Variants in FCGR2A observed in about 807,000 individuals in gnomAD.
The protein encoded by FCGR2A is Fc gamma receptor IIa.
In FCGR2A, 18 loss-of-function variants were observed where a neutral mutation model predicts 29.3. That is an observed-to-expected ratio of 0.62 (90% CI 0.43 to 0.91). The LOEUF (loss-of-function observed/expected upper bound fraction) is 0.91, where lower values mean the gene tolerates loss of function less well. FCGR2A is among the 40% of genes least tolerant of loss of function. The probability of loss-of-function intolerance (pLI) is 0.00; values close to 1 mark genes in which losing one functional copy is unlikely to be tolerated. For synonymous variants in FCGR2A, 126 were observed against 144.8 expected (o/e 0.87, Z 0.93); for missense variants, 287 against 393.0 (o/e 0.73, Z 2.28).
intron 1 of FCGR2A, 120 bp from the exon 2 acceptor site, chr1:161,505,867 T>C: frequency 1.1e-6 from 1 of 943,302 alleles, no homozygotes; most frequent in Admixed American, 1.7e-5. Flanking sequence ...AAACAGGATC[T>C]TGAGATGGGT....
downstream of FCGR2A, chr1:161,523,185 G>A (rs1255453261): frequency 4.6e-5 from 7 of 152,124 alleles, no homozygotes; most frequent in Non-Finnish European, 8.8e-5. Context: ...CCTGTCATGC[G>A]TGAGAGAGGG....
chr1:161,515,408 C>T (rs1216006612), intron 6 of FCGR2A, among the ~76,000 whole-genome samples: 1 of 152,088 alleles, frequency 6.6e-6, no homozygotes, highest in African/African-American at 2.4e-5. Context: ...AAAGCAACCA[C>T]TAAGGCTAAA....
intron 6 of FCGR2A, among the ~76,000 whole-genome samples, chr1:161,516,058 T>C (rs441823): frequency 4.6e-5 from 7 of 152,164 alleles, no homozygotes; most frequent in African/African-American, 1.4e-4. Flanking sequence ...AGAATATTGG[T>C]ATTAATGAAA....
intron 5 of FCGR2A, among the ~76,000 whole-genome samples, chr1:161,512,485 T>C (rs574518362): frequency 2.0e-5 from 3 of 149,466 alleles, no homozygotes; most frequent in East Asian, 1.9e-4. Flanking sequence ...GTCTCCCTGA[T>C]GGGGTTCAGT....
At chr1:161,507,759 T>C (rs1216689237) in intron 3 of FCGR2A, among the ~76,000 whole-genome samples, 1 of 152,196 alleles carries the variant, frequency 6.6e-6, no homozygotes, top group Non-Finnish European at 1.5e-5. Flanking sequence ...ATAGTAATTC[T>C]GACTCTTCTT....
chr1:161,520,042 G>A (rs562727117), downstream of FCGR2A: 4 of 151,970 alleles, frequency 2.6e-5, no homozygotes, highest in African/African-American at 9.7e-5. Context: ...GCATCACTGT[G>A]CACAATTCTT....
chr1:161,515,370 CTT>C (rs1346436113), intron 6 of FCGR2A, among the ~76,000 whole-genome samples: 6 of 152,300 alleles, frequency 3.9e-5, no homozygotes, highest in African/African-American at 1.2e-4. Context: ...AAATTTAACT[CTT>C]GTTATTGCAC....
downstream of FCGR2A, chr1:161,523,926 GCTAAAGAC>G (rs1676571037): frequency 6.6e-6 from 1 of 152,250 alleles, no homozygotes; most frequent in Non-Finnish European, 1.5e-5. Context: ...GCTACTGTCA[GCTAAAGAC>G]CTGCAGTATT....
Position 161,506,371 on chromosome 1 carries a change from G to C in FCGR2A, c.144G>C (p.Pro48=), listed in dbSNP as rs553243113. Residue 48 remains proline, a synonymous_variant, in exon 3 of 7, where the codon CCG becomes CCC. Coordinates refer to ENST00000271450, the MANE Select transcript of FCGR2A (RefSeq NM_001136219.3). ...PPKAVLKLEP[P]WINVLQEDSV... is the part of the protein sequence containing the mutation. ...AGGCTGTGCTGAAACTTGAGCCCCCGTGGATCAACGTGCTCCAGGAGGACT... is the reference window on the plus strand; with the variant it reads ...AGGCTGTGCTGAAACTTGAGCCCCCCTGGATCAACGTGCTCCAGGAGGACT... The C allele has an allele frequency of 6.2e-7, 1 of 1,614,164 alleles. No individual in the cohort carries two copies. The highest frequency in any genetic ancestry group is 8.5e-7 in the Non-Finnish European group (1 of 1,180,038).
At chr1:161,514,267 C>A (rs1261300220) in intron 6 of FCGR2A, among the ~76,000 whole-genome samples, 1 of 150,646 alleles carries the variant, frequency 6.6e-6, no homozygotes, top group Non-Finnish European at 1.5e-5. Flanking sequence ...AGTAAGGTAC[C>A]TCACCCAAAA....
At chr1:161,508,369 A>G (rs568189713) in intron 3 of FCGR2A, among the ~76,000 whole-genome samples, 115 of 151,660 alleles carry the variant, frequency 7.6e-4, no homozygotes, top group African/African-American at 2.6e-3. Context: ...TGGATGGATC[A>G]CTTGAGGTCG....
At chr1:161,511,728 CT>C (rs1475149559) in intron 5 of FCGR2A, among the ~76,000 whole-genome samples, 1 of 152,232 alleles carries the variant, frequency 6.6e-6, no homozygotes, top group African/African-American at 2.4e-5. Flanking sequence ...TCAGGCCCCA[CT>C]GCCTAATCCT....
chr1:161,507,558 T>C (rs538216494), intron 3 of FCGR2A, among the ~76,000 whole-genome samples: 1 of 152,340 alleles, frequency 6.6e-6, no homozygotes, highest in South Asian at 2.1e-4. Context: ...GATTCTCCTG[T>C]TCAACACTGA....
intron 1 of FCGR2A, 101 bp downstream of exon 1, chr1:161,505,653 G>A: frequency 1.0e-6 from 1 of 969,086 alleles, no homozygotes; most frequent in Non-Finnish European, 1.7e-6. Context: ...CCTGGAAGCA[G>A]GGGATAGATT....
At chr1:161,523,047 T>G (rs369293576), downstream of FCGR2A, 2 of 152,300 alleles carry the variant, frequency 1.3e-5, no homozygotes, top group East Asian at 3.9e-4. Context: ...CAAGTAACGT[T>G]AAATAGAAGC....
At chr1:161,521,942 A>T (rs1659532), downstream of FCGR2A, among the ~76,000 whole-genome samples, 8 of 151,734 alleles carry the variant, frequency 5.3e-5, no homozygotes, top group East Asian at 3.9e-4. Flanking sequence ...TTTGCACCAC[A>T]TTAGAATGTC....
Position 161,505,997 on chromosome 1 carries a change from C to G in FCGR2A, c.96C>G (p.Asp32Glu), listed in dbSNP as rs1557827367. 6.2e-7 allele frequency: 1 copy of G among 1,613,984 alleles called. No individual in the cohort carries two copies. The change falls in exon 2 of 7, where the codon GAC becomes GAG. Residue 32 changes from aspartate to glutamate, a missense_variant. Transcript: ENST00000271450. ...LTVLLLLASA[D>E]SQAAAPPKAV... ...TCTTCTCTTTTACAGCTTCTGCAGA[C>G]AGTCAAGCTGGTGAGTATGCCCTTT... is the stretch of plus-strand genomic sequence containing the variant.
chr1:161,522,472 CTGGAAGAGAAGGT>C (rs1221604125), downstream of FCGR2A, among the ~76,000 whole-genome samples: 1 of 151,932 alleles, frequency 6.6e-6, no homozygotes, highest in East Asian at 1.9e-4. Context: ...TGGCTGGGGG[CTGGAAGAGAAGGT>C]TGGAGGAGCC....
rs111586219 is a variant in FCGR2A at position 161,510,350 on chromosome 1, T to C, written c.619+276T>C. The C allele has an allele frequency of 3.6e-3, 2,376 of 665,428 alleles. 34 individuals are homozygous for C. The highest frequency in any genetic ancestry group is 0.036 in the African/African-American group (1,981 of 55,782). 41.2% of individuals were successfully genotyped at this position (665,428 alleles called of 1,614,324 possible). ...ATGGCAGTGAAGCAGAGCTCCCTCA[T>C]TGATGCAGAGGTTCCCTAAGCTCCT... On this transcript the variant is annotated intron_variant, in intron 4 of 6. Transcript: ENST00000271450.
Sources: allele counts gnomAD v4.1 joint callset (sites outside exome capture counted in the v4.1 genomes callset), GRCh38; gene constraint gnomAD v4.1.1; transcripts MANE v1.5; gene names NCBI Gene and HGNC (gene_info 2026-07-23, HGNC 2026-07-21).